RGP1: variants seen among roughly 807,000 people sequenced by gnomAD.
The protein encoded by RGP1 is RGP1 partner of RAB6A GEF complex.
RGP1 carries 28 observed loss-of-function variants against 44.5 expected under a neutral mutation model. The observed-to-expected ratio is 0.63, with a 90% CI of 0.47 to 0.86. RGP1 has a LOEUF of 0.86. Ranked by LOEUF, RGP1 falls within the 40% of genes least tolerant of loss-of-function variation. The probability of loss-of-function intolerance (pLI) is 0.00; values close to 1 mark genes in which losing one functional copy is unlikely to be tolerated. For synonymous variants in RGP1, 212 were observed against 196.7 expected, an observed-to-expected ratio of 1.08 and a Z score of -0.65; for missense variants, 417 against 490.7, an observed-to-expected ratio of 0.85 and a Z score of 1.42.
At chr9:35,764,960 G>C in the RGP1 span, among the ~76,000 whole-genome samples, 2 of 151,702 alleles carry the variant, frequency 1.3e-5, no homozygotes, top group African/African-American at 4.8e-5. Context: ...ATCCTGTCTT[G>C]ACTAAAAATA....
chr9:35,786,510 C>T, the RGP1 span: 3 of 152,206 alleles, frequency 2.0e-5, no homozygotes, highest in Non-Finnish European at 4.4e-5. Flanking sequence ...CTGGGGCCTT[C>T]CTGGGCACTC....
At chr9:35,767,282 G>GTT in the RGP1 span, among the ~76,000 whole-genome samples, 10 of 101,776 alleles carry the variant, frequency 9.8e-5, no homozygotes, top group Non-Finnish European at 1.9e-4. Flanking sequence ...TAAGCAAATT[G>GTT]GTTTTTTTTT....
the RGP1 span, among the ~76,000 whole-genome samples, chr9:35,778,392 C>T: frequency 1.3e-5 from 2 of 152,282 alleles, no homozygotes; most frequent in Admixed American, 6.5e-5. Context: ...GGGAGGTATT[C>T]GCTGTTAACA....
At chr9:35,775,931 T>C in the RGP1 span, among the ~76,000 whole-genome samples, 1 of 152,244 alleles carries the variant, frequency 6.6e-6, no homozygotes, top group Non-Finnish European at 1.5e-5. Flanking sequence ...TTACATTTAT[T>C]GTTACTGCAA....
At position 35,750,795 on chromosome 9, in the gene RGP1, C is replaced by A. The variant is rs746523410; in HGVS notation, c.338-45C>A. 5 of 1,613,774 alleles carry A rather than the reference C, an allele frequency of 3.1e-6. No individual in the cohort carries two copies. In the East Asian group the frequency reaches 1.1e-4, roughly 36 times the overall value. On this transcript the variant is annotated intron_variant, in intron 4 of 8. Transcript: ENST00000378078. ...CCTTCTAAGTCTCCTGGAGGGAGGACTCCTCTGGTGCCTCTGGCTGTCCTG... is the reference window on the plus strand; with the variant it reads ...CCTTCTAAGTCTCCTGGAGGGAGGAATCCTCTGGTGCCTCTGGCTGTCCTG...
the RGP1 span, among the ~76,000 whole-genome samples, chr9:35,788,487 A>G: frequency 7.2e-5 from 11 of 152,026 alleles, no homozygotes; most frequent in South Asian, 2.3e-3. Context: ...AATCACTTGA[A>G]CCTGGGAGAT....
chr9:35,787,585 AT>A, the RGP1 span, among the ~76,000 whole-genome samples: 1 of 152,172 alleles, frequency 6.6e-6, no homozygotes, highest in African/African-American at 2.4e-5. Flanking sequence ...TGGATCTTAG[AT>A]CTACAACCAT....
At chr9:35,777,350 C>T in the RGP1 span, among the ~76,000 whole-genome samples, 2 of 151,132 alleles carry the variant, frequency 1.3e-5, no homozygotes, top group Non-Finnish European at 1.5e-5. Flanking sequence ...AGGATGGTCT[C>T]GATCTCCTGA....
At chr9:35,771,148 T>C in the RGP1 span, among the ~76,000 whole-genome samples, 1 of 152,196 alleles carries the variant, frequency 6.6e-6, no homozygotes, top group Non-Finnish European at 1.5e-5. Context: ...CTTGGTTTAG[T>C]TTGGCTAGCA....
chr9:35,774,876 C>T, the RGP1 span, among the ~76,000 whole-genome samples: 1 of 151,576 alleles, frequency 6.6e-6, no homozygotes, highest in Non-Finnish European at 1.5e-5. Flanking sequence ...TTTGACTCAT[C>T]CCAAATTTTG....
chr9:35,761,333 A>G (rs1189275431), downstream of RGP1, among the ~76,000 whole-genome samples: 1 of 152,218 alleles, frequency 6.6e-6, no homozygotes, highest in Non-Finnish European at 1.5e-5. Context: ...AGGTTTGGCA[A>G]TCTACTTCTA....
the RGP1 span, among the ~76,000 whole-genome samples, chr9:35,774,770 T>C: frequency 6.6e-6 from 1 of 152,056 alleles, no homozygotes; most frequent in African/African-American, 2.4e-5. Context: ...ATGGGGAAAT[T>C]TGAATTTATT....
At position 35,754,322 on chromosome 9, in the gene RGP1, C is replaced by A; in HGVS notation, c.*1448C>A. ...GTTTATAAAGTGAGGACCCTGGCCC[C>A]CTGCTGAGTAGAGCTGGAAAAGTTG... On this transcript the variant is annotated 3_prime_UTR_variant, in exon 9 of 9. Coordinates refer to ENST00000378078, the MANE Select transcript of RGP1 (RefSeq NM_001080496.3). The A allele has an allele frequency of 6.7e-6, 4 of 598,794 alleles. No individual in the cohort carries two copies. Among genetic ancestry groups the A allele is most frequent in the Non-Finnish European group, 8.0e-6 (3 of 374,720 alleles). 37.1% of individuals were successfully genotyped at this position (598,794 alleles called of 1,614,324 possible). A position where few individuals can be genotyped will look rare whatever the true frequency, so the allele number is the denominator to read the frequency against.
chr9:35,760,606 G>A (rs1827409648), downstream of RGP1, among the ~76,000 whole-genome samples: 1 of 152,110 alleles, frequency 6.6e-6, no homozygotes, highest in African/African-American at 2.4e-5. Context: ...TGACTTACTT[G>A]GTAGGTGGTA....
chr9:35,767,699 C>T, the RGP1 span, among the ~76,000 whole-genome samples: 2 of 152,122 alleles, frequency 1.3e-5, no homozygotes, highest in African/African-American at 2.4e-5. Flanking sequence ...TATCATCTAT[C>T]CATAGCAGAC....
chr9:35,753,631 A>C lies in RGP1; in HGVS notation c.*757A>C. On this transcript the variant is annotated 3_prime_UTR_variant, in exon 9 of 9. Transcript: ENST00000378078. This position sits in a 1 kb window ranked among gnomAD's most constrained non-coding sequence, Gnocchi z 4.2. ...TCCCTCAGTCACTCATATCAGAGTC[A>C]TTCTCTCTGGCCATCTTTGGTCACT... The C allele has an allele frequency of 7.3e-6, 11 of 1,516,024 alleles. No homozygotes were observed. Among genetic ancestry groups the C allele is most frequent in the South Asian group, 1.1e-5 (1 of 88,594 alleles). The allele number at this position is 1,516,024 out of a possible 1,614,324, so 93.9% of individuals were successfully genotyped here.
rs764868509 is a variant in RGP1, at chr9:35,749,720, G to T, written c.-19-17G>T. 1 of 1,501,878 alleles carries T rather than the reference G, an allele frequency of 6.7e-7. No individual in the cohort carries two copies. Among genetic ancestry groups the T allele is most frequent in the Non-Finnish European group, 9.2e-7 (1 of 1,081,638 alleles). 93.0% of individuals were successfully genotyped at this position (1,501,878 alleles called of 1,614,324 possible). A position where few individuals can be genotyped will look rare whatever the true frequency, so the allele number is the denominator to read the frequency against. ...CTGTCAAGGTGCTGACCTCCGCCCCGCCTTGTTTCCTTCTAGATCTGATTC... is the reference window on the plus strand; with the variant it reads ...CTGTCAAGGTGCTGACCTCCGCCCCTCCTTGTTTCCTTCTAGATCTGATTC... On this transcript the variant is annotated splice_polypyrimidine_tract_variant and intron_variant, in intron 1 of 8. Transcript: ENST00000378078. The surrounding 1 kb of genome is among the most constrained non-coding windows in gnomAD (Gnocchi z 4.4).
At chr9:35,787,200 A>T in the RGP1 span, among the ~76,000 whole-genome samples, 1 of 151,874 alleles carries the variant, frequency 6.6e-6, no homozygotes, top group Non-Finnish European at 1.5e-5. Context: ...AAAACCCTTG[A>T]CCCTTTAAAC....
the RGP1 span, among the ~76,000 whole-genome samples, chr9:35,779,741 G>A: frequency 6.6e-6 from 1 of 152,156 alleles, no homozygotes; most frequent in South Asian, 2.1e-4. Flanking sequence ...TCATAAGAGA[G>A]CCAGCATCTT....
Sources: allele counts gnomAD v4.1 joint callset (sites outside exome capture counted in the v4.1 genomes callset), GRCh38; gene constraint gnomAD v4.1.1; non-coding constraint Gnocchi (gnomAD v3.1); transcripts MANE v1.5; gene names NCBI Gene and HGNC (gene_info 2026-07-23, HGNC 2026-07-21).